Variants in POU2F1 observed in about 807,000 individuals in gnomAD.
POU2F1 encodes the protein POU domain, class 2, transcription factor 1.
Under a neutral mutation model 84.9 loss-of-function variants are expected in POU2F1, and 16 were observed. The observed-to-expected ratio is 0.19, with a 90% CI of 0.13 to 0.29. The LOEUF (loss-of-function observed/expected upper bound fraction) is 0.29. POU2F1 is among the 10% of genes least tolerant of loss of function. The pLI, the probability that POU2F1 is intolerant of heterozygous loss-of-function variation, is 1.00. For synonymous variants in POU2F1, 368 were observed against 368.3 expected (o/e 1.00, Z 0.01); for missense variants, 738 against 942.6 (o/e 0.78, Z 2.84).
At chr1:167,329,401 C>T in intron 1 of POU2F1, 1 of 1,391,436 alleles carries the variant, frequency 7.2e-7, no homozygotes. Context: ...CATATGCAGC[C>T]TGTGGCGGGG....
At chr1:167,345,918 T>C (rs1216391190) in intron 2 of POU2F1, among the ~76,000 whole-genome samples, 1 of 150,772 alleles carries the variant, frequency 6.6e-6, no homozygotes, top group Non-Finnish European at 1.5e-5. Flanking sequence ...CCCAACACTT[T>C]GGGACATCAA....
In POU2F1 at chr1:167,226,139, T is replaced by TGCTCAG. The variant is rs1177122505; in HGVS notation, c.61+5184_61+5185insCAGGCT. Among the ~76,000 whole-genome samples the TGCTCAG allele has an allele frequency of 2.0e-5, 3 of 152,356 alleles. No homozygotes were observed. The East Asian group carries it at 5.8e-4, about 29-fold the overall frequency. On this transcript the variant is annotated intron_variant, in intron 1 of 15. Transcript: ENST00000367866. ...TTCTTGTTTCTGATCCCTCCTTAAA[T>TGCTCAG]GCTAAATGCCTGAGCAAATGTACTT...
Position 167,424,342 on chromosome 1 carries a change from T to TA in POU2F1, c.*8533dup, listed in dbSNP as rs1315676537. ...GGGGAAAGAAAGACTTCCAGCTTCT[T>TA]ACCTCTGCGTGCATGGGCACGTGTG... On this transcript the variant is annotated 3_prime_UTR_variant, in exon 16 of 16. Coordinates refer to ENST00000367866, the MANE Select transcript of POU2F1 (RefSeq NM_002697.4). 6.6e-5 allele frequency: 10 copies of TA among 152,286 alleles called. No individual in the cohort carries two copies. The highest frequency in any genetic ancestry group is 1.3e-4 in the Non-Finnish European group (9 of 68,056). 9.4% of individuals were successfully genotyped at this position (152,286 alleles called of 1,614,324 possible). A position where few individuals can be genotyped will look rare whatever the true frequency, so the allele number is the denominator to read the frequency against.
At chr1:167,405,394 C>T (rs543198708) in intron 13 of POU2F1, among the ~76,000 whole-genome samples, 1 of 151,484 alleles carries the variant, frequency 6.6e-6, no homozygotes, top group Non-Finnish European at 1.5e-5. Context: ...AAAAAAAATT[C>T]AGGCCATGTG....
intron 2 of POU2F1, among the ~76,000 whole-genome samples, chr1:167,343,028 T>C (rs1297560483): frequency 1.3e-5 from 2 of 152,154 alleles, no homozygotes; most frequent in Non-Finnish European, 2.9e-5. Context: ...GACCTCCCTC[T>C]AGTGTTTGAT....
At chr1:167,341,226 G>A (rs565650102) in intron 2 of POU2F1, among the ~76,000 whole-genome samples, 1 of 151,946 alleles carries the variant, frequency 6.6e-6, no homozygotes, top group Non-Finnish European at 1.5e-5. Flanking sequence ...TATTATCTTT[G>A]AAAACTTACC....
chr1:167,315,535 G>A (rs888934922), intron 1 of POU2F1, among the ~76,000 whole-genome samples: 26 of 152,156 alleles, frequency 1.7e-4, no homozygotes, highest in Non-Finnish European at 3.5e-4. Flanking sequence ...CGGCTACTTG[G>A]GAGACAGAAG....
Position 167,389,815 on chromosome 1 carries a change from G to T in POU2F1, c.987+54G>T, listed in dbSNP as rs1040705827. The T allele has an allele frequency of 9.0e-6, 14 of 1,561,348 alleles. No individual in the cohort carries two copies. In the African/African-American group the frequency reaches 1.1e-4, roughly 12 times the overall value. ...CCCTCCTTGGCTGGGTCCAAATACA[G>T]TTGGCTCTCTGTATTCATGGATTCC... On this transcript the variant is annotated intron_variant, in intron 9 of 15. Transcript: ENST00000367866.
chr1:167,325,952 C>A (rs989167921), intron 1 of POU2F1, among the ~76,000 whole-genome samples: 4 of 151,326 alleles, frequency 2.6e-5, no homozygotes, highest in African/African-American at 9.7e-5. Context: ...CGTTTGTCCC[C>A]TCTTTTAGAA....
chr1:167,257,721 C>G (rs1485831803), intron 1 of POU2F1: 2 of 151,686 alleles, frequency 1.3e-5, no homozygotes. Context: ...TGATGATGTG[C>G]CTGACACTGC....
At chr1:167,245,615 A>C (rs1033945685) in intron 1 of POU2F1, among the ~76,000 whole-genome samples, 1 of 151,686 alleles carries the variant, frequency 6.6e-6, no homozygotes, top group Non-Finnish European at 1.5e-5. Context: ...GTTTCTCCAC[A>C]TTGGTCAGGC....
intron 1 of POU2F1, among the ~76,000 whole-genome samples, chr1:167,324,818 A>G (rs1354254739): frequency 2.0e-5 from 3 of 152,232 alleles, no homozygotes; most frequent in Non-Finnish European, 4.4e-5. Flanking sequence ...CTTTCATGGT[A>G]TCTGCCCATC....
At chr1:167,402,110 C>G (rs953118251) in intron 13 of POU2F1, among the ~76,000 whole-genome samples, 1 of 152,198 alleles carries the variant, frequency 6.6e-6, no homozygotes, top group Non-Finnish European at 1.5e-5. Context: ...GCATGACATA[C>G]TCACTATAAA....
chr1:167,331,678 G>A lies in POU2F1; in HGVS notation c.62-792G>A, dbSNP rs932207397. On this transcript the variant is annotated intron_variant, in intron 1 of 15. Coordinates refer to ENST00000367866, the MANE Select transcript of POU2F1 (RefSeq NM_002697.4). ...TCTCTTCTCTTAATGTATTTTCTGG[G>A]ATACCTAATATTGCTTGATGAAAAC... 2.6e-5 allele frequency among the ~76,000 whole-genome samples: 4 copies of A among 151,992 alleles called. No homozygotes were observed. In the South Asian group the frequency reaches 6.2e-4, roughly 24 times the overall value.
intron 1 of POU2F1, among the ~76,000 whole-genome samples, chr1:167,242,558 A>G (rs981707157): frequency 3.9e-5 from 6 of 152,248 alleles, no homozygotes; most frequent in Admixed American, 2.6e-4. Flanking sequence ...TATAGAATTG[A>G]CAAGATTTTG....
chr1:167,408,880 T>A (rs2101936750), intron 13 of POU2F1, among the ~76,000 whole-genome samples: 1 of 152,362 alleles, frequency 6.6e-6, no homozygotes, highest in African/African-American at 2.4e-5. Flanking sequence ...CATTTGTCCA[T>A]TTAAAAATCT....
chr1:167,350,106 T>C (rs1557915518), intron 2 of POU2F1, among the ~76,000 whole-genome samples: 1 of 152,212 alleles, frequency 6.6e-6, no homozygotes, highest in Non-Finnish European at 1.5e-5. Flanking sequence ...AAAGATTACA[T>C]ACACATCAAG....
chr1:167,353,033 C>A (rs1658684766), intron 2 of POU2F1, among the ~76,000 whole-genome samples: 1 of 152,140 alleles, frequency 6.6e-6, no homozygotes, highest in Non-Finnish European at 1.5e-5. Flanking sequence ...CCTATTTGAT[C>A]CTTGACTGCT....
chr1:167,312,026 C>T (rs1205144545), intron 1 of POU2F1, among the ~76,000 whole-genome samples: 2 of 152,122 alleles, frequency 1.3e-5, no homozygotes, highest in South Asian at 2.1e-4. Context: ...CCTCTGCCTC[C>T]TGGGTTCAAG....
Sources: gnomAD v4.1 joint callset for allele counts (sites outside exome capture counted in the v4.1 genomes callset) on GRCh38, gnomAD v4.1.1 for gene constraint, MANE v1.5 for transcripts, NCBI Gene and HGNC (gene_info 2026-07-23, HGNC 2026-07-21) for gene names.